AKAP12: variants seen among roughly 807,000 people sequenced by gnomAD.
The protein encoded by AKAP12 is A-kinase anchor protein 12.
In AKAP12, 32 loss-of-function variants were observed where a neutral mutation model predicts 79.9. The observed-to-expected ratio is 0.40, with a 90% confidence interval of 0.30 to 0.54. AKAP12 has a LOEUF of 0.54. AKAP12 is among the 20% of genes least tolerant of loss of function. The pLI is 0.48. For missense variants in AKAP12, 2,074 were observed against 2,177.0 expected (o/e 0.95, Z 0.94); for synonymous variants, 808 against 857.0 (o/e 0.94, Z 1.00).
chr6:151,262,876 C>T (rs1020917389), intron 2 of AKAP12, among the ~76,000 whole-genome samples: 2 of 152,078 alleles, frequency 1.3e-5, no homozygotes, highest in African/African-American at 2.4e-5. Flanking sequence ...TCCTGCTGTT[C>T]TTTTTTCAAA....
Position 151,350,441 on chromosome 6 carries a change from T to G in AKAP12, c.2050T>G (p.Cys684Gly). Residue 684 changes from cysteine (C) to glycine (G), a missense_variant, in exon 4 of 5, where the codon TGT (cysteine) becomes GGT (glycine). By Grantham distance (159) the Cys-to-Gly change is radical. This residue lies in a region of AKAP12 where 1,428 missense variants were observed against 1,451.0 expected (regional missense o/e 0.98). Coordinates refer to ENST00000402676, the MANE Select transcript of AKAP12 (RefSeq NM_005100.4). The surrounding 1 kb of genome is among the most constrained non-coding windows in gnomAD (Gnocchi z 4.8). ...DTSVSWEALI[C>G]VGSSKKRARR... ...CTCAGTATCTTGGGAAGCTTTAATT[T>G]GTGTGGGATCATCCAAGAAAAGAGC... The G allele has an allele frequency of 6.2e-7, 1 of 1,613,714 alleles. No individual in the cohort carries two copies. Among genetic ancestry groups the G allele is most frequent in the Non-Finnish European group, 8.5e-7 (1 of 1,179,988 alleles).
At chr6:151,314,028 AAT>A (rs1491468991) in intron 3 of AKAP12, among the ~76,000 whole-genome samples, 1 of 149,504 alleles carries the variant, frequency 6.7e-6, no homozygotes, top group Non-Finnish European at 1.5e-5. Flanking sequence ...TGGCTTTTCT[AAT>A]TTTTTTTTTT....
rs573312785 is a variant in AKAP12 at position 151,326,147 on chromosome 6, T to C, written c.319+20244T>C. On this transcript the variant is annotated intron_variant, in intron 3 of 4. Transcript: ENST00000402676. ...CTTGACTGTGCCTATGGGAGACCTT[T>C]AGTATATTTTGTTCGGGGTTGTACC... is the stretch of plus-strand genomic sequence containing the variant. Among the ~76,000 whole-genome samples, 400 of 152,322 alleles carry C rather than the reference T, an allele frequency of 2.6e-3. 2 individuals carry two copies. Among genetic ancestry groups the C allele is most frequent in the African/African-American group, 8.9e-3 (371 of 41,576 alleles).
In AKAP12 at chr6:151,240,406, C is replaced by T. The variant is rs367614230; in HGVS notation, c.-157C>T. On this transcript the variant is annotated 5_prime_UTR_variant, in exon 2 of 5. Coordinates refer to ENST00000402676, the MANE Select transcript of AKAP12 (RefSeq NM_005100.4). ...AAGGAGTTTGCCGCGAGCGCGTCTC[C>T]TTCATTCGCAGGCTGGGCGCGTTCG... 6.8e-6 allele frequency: 5 copies of T among 740,244 alleles called. No individual in the cohort carries two copies. The highest frequency in any genetic ancestry group is 3.5e-5 in the East Asian group (1 of 28,762). 45.9% of individuals were successfully genotyped at this position (740,244 alleles called of 1,614,324 possible). A position where few individuals can be genotyped will look rare whatever the true frequency, so the allele number is the denominator to read the frequency against.
chr6:151,335,376 C>G (rs1397431490), intron 3 of AKAP12, among the ~76,000 whole-genome samples: 1 of 152,190 alleles, frequency 6.6e-6, no homozygotes, highest in Non-Finnish European at 1.5e-5. Context: ...GATACTTCAT[C>G]CTCATAACCA....
intron 2 of AKAP12, among the ~76,000 whole-genome samples, chr6:151,284,127 T>C (rs1045504554): frequency 6.6e-6 from 1 of 152,204 alleles, no homozygotes; most frequent in Non-Finnish European, 1.5e-5. Flanking sequence ...TTGGAGAACC[T>C]CGCCAGTGCC....
At chr6:151,240,336 G>A in intron 1 of AKAP12, 48 bp from the exon 2 acceptor site, 1 of 408,932 alleles carries the variant, frequency 2.4e-6, no homozygotes, top group Non-Finnish European at 4.2e-6. Context: ...GGGGGAGGGG[G>A]GCGGAGGCTA....
chr6:151,339,866 G>C (rs1174079459), intron 3 of AKAP12, among the ~76,000 whole-genome samples: 1 of 151,814 alleles, frequency 6.6e-6, no homozygotes, highest in Non-Finnish European at 1.5e-5. Flanking sequence ...GTCTTCTTTT[G>C]CTTAGCTATA....
rs1178329346 is a variant in AKAP12, at chr6:151,312,771, T to G, written c.319+6868T>G. On this transcript the variant is annotated intron_variant, in intron 3 of 4. Coordinates refer to ENST00000402676, the MANE Select transcript of AKAP12 (RefSeq NM_005100.4). The stretch of plus-strand genomic sequence containing the variant: ...CGTGCCACTGCACTCCAGCCTAGGC[T>G]ACAAGAGGGAGACTCTGTCTCCAAA... Among the ~76,000 whole-genome samples the G allele has an allele frequency of 2.4e-5, 3 of 124,320 alleles. No individual in the cohort carries two copies. In the Admixed American group the frequency reaches 2.9e-4, roughly 12 times the overall value. The allele number at this position is 124,320 out of a possible 152,430, so 81.6% of individuals were successfully genotyped here.
intron 2 of AKAP12, among the ~76,000 whole-genome samples, chr6:151,287,245 CTTTTTTTTA>C (rs1248974120): frequency 1.3e-5 from 2 of 151,496 alleles, no homozygotes; most frequent in Admixed American, 6.6e-5. Context: ...GGTCTATTTT[CTTTTTTTTA>C]TTTTGATTTC....
At chr6:151,294,109 G>A (rs1776675316) in intron 2 of AKAP12, among the ~76,000 whole-genome samples, 1 of 152,044 alleles carries the variant, frequency 6.6e-6, no homozygotes, top group African/African-American at 2.4e-5. Context: ...GAGTAGCTGG[G>A]ACTACAGGCG....
intron 3 of AKAP12, among the ~76,000 whole-genome samples, chr6:151,328,245 G>A (rs1452135257): frequency 6.7e-6 from 1 of 149,212 alleles, no homozygotes; most frequent in African/African-American, 2.5e-5. Flanking sequence ...GGAGAATGGC[G>A]TGAACTCGGG....
At chr6:151,342,637 G>A (rs1020416143) in intron 3 of AKAP12, among the ~76,000 whole-genome samples, 5 of 152,212 alleles carry the variant, frequency 3.3e-5, no homozygotes, top group South Asian at 2.1e-4. Context: ...AGAGACTGCA[G>A]ACTAGTTGAC....
rs536984465 is a variant in AKAP12 at position 151,249,172 on chromosome 6, G to T, written c.162+8448G>T. ...TATTTATCATTTTAAAACTTCCCTT[G>T]TGCTGAATAAGTAGACAGTAGCTAA... is the stretch of plus-strand genomic sequence containing the variant. On this transcript the variant is annotated intron_variant, in intron 2 of 4. Coordinates refer to ENST00000402676, the MANE Select transcript of AKAP12 (RefSeq NM_005100.4). 4.6e-5 allele frequency among the ~76,000 whole-genome samples: 7 copies of T among 152,100 alleles called. No homozygotes were observed. The South Asian group carries it at 6.2e-4, about 14-fold the overall frequency.
intron 3 of AKAP12, among the ~76,000 whole-genome samples, chr6:151,314,636 C>G (rs1442231965): frequency 1.3e-5 from 2 of 152,258 alleles, no homozygotes; most frequent in East Asian, 3.9e-4. Flanking sequence ...GGAGATGTTA[C>G]CTATAAATCT....
At chr6:151,257,355 G>T (rs187422428) in intron 2 of AKAP12, among the ~76,000 whole-genome samples, 1 of 151,980 alleles carries the variant, frequency 6.6e-6, no homozygotes, top group South Asian at 2.1e-4. Context: ...GGAGTGCAGC[G>T]GCGTGATCTC....
chr6:151,262,074 C>T (rs993547689), intron 2 of AKAP12, among the ~76,000 whole-genome samples: 2 of 152,020 alleles, frequency 1.3e-5, no homozygotes, highest in Admixed American at 6.6e-5. Context: ...CTCAGCCTCC[C>T]GAGTAGCTGG....
At chr6:151,244,440 C>T (rs1414569615) in intron 2 of AKAP12, among the ~76,000 whole-genome samples, 2 of 152,132 alleles carry the variant, frequency 1.3e-5, no homozygotes, top group East Asian at 1.9e-4. Context: ...AGGAGAATGG[C>T]GTGAACTCGG....
intron 2 of AKAP12, among the ~76,000 whole-genome samples, chr6:151,285,619 AAG>A (rs529875990): frequency 4.7e-4 from 71 of 152,128 alleles, no homozygotes; most frequent in Non-Finnish European, 9.1e-4. Flanking sequence ...TCATGCAAAA[AAG>A]GGGGGAGGAT....
Sources: gnomAD v4.1 joint callset for allele counts (sites outside exome capture counted in the v4.1 genomes callset) on GRCh38, gnomAD v4.1.1 for gene constraint, gnomAD v4.1.1 regional missense constraint, Gnocchi (gnomAD v3.1) non-coding constraint, MANE v1.5 for transcripts, NCBI Gene and HGNC (gene_info 2026-07-23, HGNC 2026-07-21) for gene names.